TENT4A: variants seen among roughly 807,000 people sequenced by gnomAD.
TENT4A encodes DNA polymerase kappa.
A neutral mutation model predicts 72.8 loss-of-function variants in TENT4A; 7 were observed. The ratio of observed to expected loss-of-function variants is 0.10; its 90% CI spans 0.05 to 0.18. The LOEUF (loss-of-function observed/expected upper bound fraction) is 0.18. TENT4A is among the 10% of genes least tolerant of loss of function. The pLI is 1.00. For synonymous variants in TENT4A, 456 were observed against 434.3 expected (o/e 1.05, Z -0.62); for missense variants, 831 against 1,017.7 (o/e 0.82, Z 2.50).
chr5:6,723,858 G>A (rs1041671430), intron 1 of TENT4A, among the ~76,000 whole-genome samples: 7 of 152,206 alleles, frequency 4.6e-5, no homozygotes, highest in African/African-American at 1.4e-4. Flanking sequence ...AGGTGTTCCA[G>A]AACTGGCCTG....
chr5:6,733,865 C>A (rs1225580992), intron 1 of TENT4A, among the ~76,000 whole-genome samples: 1 of 152,052 alleles, frequency 6.6e-6, no homozygotes, highest in African/African-American at 2.4e-5. Flanking sequence ...GTGAAAAGTC[C>A]TGGCAGTGTT....
At chr5:6,721,025 C>T (rs1048853978) in intron 1 of TENT4A, among the ~76,000 whole-genome samples, 3 of 152,224 alleles carry the variant, frequency 2.0e-5, no homozygotes, top group Non-Finnish European at 4.4e-5. Context: ...AACTCCCACA[C>T]GGTTCTTCCC....
chr5:6,716,390 C>T (rs1012932481), intron 1 of TENT4A, among the ~76,000 whole-genome samples: 3 of 152,186 alleles, frequency 2.0e-5, no homozygotes, highest in African/African-American at 7.2e-5. Flanking sequence ...TCACGCTCTT[C>T]GTCACCCACG....
At chr5:6,720,395 C>T (rs1273570752) in intron 1 of TENT4A, among the ~76,000 whole-genome samples, 1 of 152,108 alleles carries the variant, frequency 6.6e-6, no homozygotes, top group East Asian at 1.9e-4. Context: ...CACTTTTCCC[C>T]TGACTGGACT....
chr5:6,748,604 TGTCTGC>T lies in TENT4A; in HGVS notation c.1586+20_1586+25del. On this transcript the variant is annotated intron_variant, in intron 8 of 12. Transcript: ENST00000230859. ...AGACGCCGAAAGGTAATGGGTTGTG[TGTCTGC>T]GTCTGGGCTCAGCGTGCCTGTGGGA... 6.2e-7 allele frequency: 1 copy of T among 1,605,136 alleles called. No homozygotes were observed.
chr5:6,725,049 C>T (rs1358218307), intron 1 of TENT4A, among the ~76,000 whole-genome samples: 1 of 152,228 alleles, frequency 6.6e-6, no homozygotes, highest in Non-Finnish European at 1.5e-5. Context: ...AGGCTGGGTG[C>T]AATGGCTCAC....
chr5:6,716,778 G>T (rs1001545289), intron 1 of TENT4A, among the ~76,000 whole-genome samples: 1 of 152,250 alleles, frequency 6.6e-6, no homozygotes, highest in Non-Finnish European at 1.5e-5. Flanking sequence ...TGTAGGGCAT[G>T]AGAGGGCTCT....
intron 1 of TENT4A, among the ~76,000 whole-genome samples, chr5:6,733,010 T>C (rs950758756): frequency 6.6e-6 from 1 of 152,260 alleles, no homozygotes; most frequent in African/African-American, 2.4e-5. Context: ...TTGGAAGCTC[T>C]GCTTCCGGTT....
Position 6,714,272 on chromosome 5 carries a change from G to C in TENT4A, c.289G>C (p.Glu97Gln), listed in dbSNP as rs1740244709. 9.4e-7 allele frequency: 1 copy of C among 1,063,858 alleles called. No homozygotes were observed. Among genetic ancestry groups the C allele is most frequent in the Non-Finnish European group, 1.1e-6 (1 of 882,748 alleles). 65.9% of individuals were successfully genotyped at this position (1,063,858 alleles called of 1,614,324 possible). A position where few individuals can be genotyped will look rare whatever the true frequency, so the allele number is the denominator to read the frequency against. ...ALLTALGPAA[E>Q]GARRLHKSPS... ...GCTGACGGCGCTGGGGCCCGCGGCC[G>C]AGGGCGCGCGGCGCTTGCACAAGTC... is the stretch of plus-strand genomic sequence containing the variant. The change falls in exon 1 of 13, where the codon GAG becomes CAG. Residue 97 changes from glutamate to glutamine, a missense_variant. By Grantham distance (29) the Glu-to-Gln change is conservative (BLOSUM62 2). Around this residue, in one of 3 missense-constraint regions of TENT4A, gnomAD observed 302 missense variants for 293.8 expected, o/e 1.03. Transcript: ENST00000230859.
chr5:6,753,079 G>A, intron 12 of TENT4A, 42 bp downstream of exon 12: 1 of 1,526,496 alleles, frequency 6.6e-7, no homozygotes, highest in Admixed American at 1.8e-5. Flanking sequence ...TGTTCAAGCT[G>A]CCATGTGAGA....
At chr5:6,737,183 T>C (rs979531828) in intron 1 of TENT4A, among the ~76,000 whole-genome samples, 14 of 152,258 alleles carry the variant, frequency 9.2e-5, no homozygotes, top group Non-Finnish European at 1.8e-4. Context: ...CCACATTCAT[T>C]GGAAAGCTGC....
chr5:6,722,732 A>T (rs1403258049), intron 1 of TENT4A, among the ~76,000 whole-genome samples: 2 of 152,034 alleles, frequency 1.3e-5, no homozygotes, highest in Non-Finnish European at 2.9e-5. Flanking sequence ...CACATAGTAG[A>T]AGGAGTGGAT....
At chr5:6,750,253 G>A (rs558662331) in intron 9 of TENT4A, 78 bp from the exon 10 acceptor site, 52 of 1,257,884 alleles carry the variant, frequency 4.1e-5, no homozygotes, top group Non-Finnish European at 5.5e-5. Flanking sequence ...GCTCAGCAGA[G>A]CCCGTGACTG....
chr5:6,722,547 G>GTTTTTTT (rs55840324), intron 1 of TENT4A, among the ~76,000 whole-genome samples: 1 of 123,236 alleles, frequency 8.1e-6, no homozygotes. Flanking sequence ...GCATTTGTTA[G>GTTTTTTT]TTTTTTTTTT....
chr5:6,720,301 C>T (rs1181819905), intron 1 of TENT4A, among the ~76,000 whole-genome samples: 1 of 152,080 alleles, frequency 6.6e-6, no homozygotes, highest in Non-Finnish European at 1.5e-5. Flanking sequence ...GGTGTAGGAC[C>T]TTGAGGGGAG....
chr5:6,746,418 C>T lies in TENT4A; in HGVS notation c.1450C>T (p.Leu484=). The change falls in exon 7 of 13, where the codon CTG becomes TTG. Residue 484 remains leucine (L), a synonymous_variant. Transcript: ENST00000230859. ...RPSMLCIEDP[L]LPGNDVGRSS... Reference sequence around the variant, plus strand: ...GTCGATGCTGTGCATTGAGGACCCCCTGCTGCCAGGTAAGGGCGCCCTGAT... The same window carrying T: ...GTCGATGCTGTGCATTGAGGACCCCTTGCTGCCAGGTAAGGGCGCCCTGAT... 6.2e-7 allele frequency: 1 copy of T among 1,614,038 alleles called. No homozygotes were observed. The highest frequency in any genetic ancestry group is 8.5e-7 in the Non-Finnish European group (1 of 1,180,000).
At chr5:6,754,533 G>C (rs1366399278) in intron 12 of TENT4A, among the ~76,000 whole-genome samples, 1 of 152,182 alleles carries the variant, frequency 6.6e-6, no homozygotes, top group Non-Finnish European at 1.5e-5. Context: ...CTGAATTTGT[G>C]TGGTTTGATC....
At chr5:6,748,725 T>G in intron 8 of TENT4A, 135 bp downstream of exon 8, 1 of 900,506 alleles carries the variant, frequency 1.1e-6, no homozygotes, top group Non-Finnish European at 1.7e-6. Flanking sequence ...GATATGTTGG[T>G]GAAGGAAGGC....
chr5:6,714,115 C>T lies in TENT4A; in HGVS notation c.132C>T (p.Asn44=). ...GSGFASYFCL[N]SPALDTAAAA... ...GCTTCGCGTCCTATTTCTGCCTCAA[C>T]TCGCCGGCGCTGGACACGGCGGCCG... The change falls in exon 1 of 13, where the codon AAC becomes AAT. Residue 44 remains asparagine (N), a synonymous_variant. Transcript: ENST00000230859. 1 of 982,536 alleles carries T rather than the reference C, an allele frequency of 1.0e-6. No homozygotes were observed. The highest frequency in any genetic ancestry group is 1.2e-6 in the Non-Finnish European group (1 of 829,460). The allele number at this position is 982,536 out of a possible 1,614,324, so 60.9% of individuals were successfully genotyped here.
Sources: allele counts gnomAD v4.1 joint callset (sites outside exome capture counted in the v4.1 genomes callset), GRCh38; gene constraint gnomAD v4.1.1; regional missense constraint gnomAD v4.1.1; transcripts MANE v1.5; gene names NCBI Gene and HGNC (gene_info 2026-07-23, HGNC 2026-07-21).